KAZN: variants seen among roughly 807,000 people sequenced by gnomAD.
The protein encoded by KAZN is kazrin.
KAZN carries 40 observed loss-of-function variants against 87.4 expected under a neutral mutation model. The ratio of observed to expected loss-of-function variants is 0.46; its 90% CI spans 0.36 to 0.60. The LOEUF (loss-of-function observed/expected upper bound fraction) is 0.60. Ranked by LOEUF, KAZN falls within the 20% of genes least tolerant of loss-of-function variation. The pLI is 0.00. For synonymous variants in KAZN, 466 were observed against 458.3 expected, an observed-to-expected ratio of 1.02 and a Z score of -0.22; for missense variants, 898 against 1,073.9, an observed-to-expected ratio of 0.84 and a Z score of 2.29.
At chr1:14,641,616 G>T (rs967723753) in intron 1 of KAZN, among the ~76,000 whole-genome samples, 16 of 152,130 alleles carry the variant, frequency 1.1e-4, no homozygotes, top group African/African-American at 3.9e-4. Context: ...AGAAGAAGCA[G>T]CCAGGGAAAG....
intron 8 of KAZN, among the ~76,000 whole-genome samples, chr1:15,087,126 A>G (rs1262289349): frequency 2.6e-5 from 4 of 152,344 alleles, no homozygotes; most frequent in South Asian, 4.2e-4. Context: ...GAGAAAACAA[A>G]CCAAAGAAAA....
chr1:14,326,738 C>T (rs1165371351), intron 2 of KAZN, among the ~76,000 whole-genome samples: 2 of 152,216 alleles, frequency 1.3e-5, no homozygotes, highest in East Asian at 3.8e-4. Context: ...TTGGTAATCA[C>T]TCTGCCACCT....
At chr1:15,049,757 C>T (rs1450735006) in intron 4 of KAZN, among the ~76,000 whole-genome samples, 6 of 152,230 alleles carry the variant, frequency 3.9e-5, no homozygotes, top group Middle Eastern at 3.4e-3. Flanking sequence ...GGTGTGGTGG[C>T]ACACACCTGT....
chr1:14,666,997 C>T (rs1327651925), intron 1 of KAZN, among the ~76,000 whole-genome samples: 1 of 152,180 alleles, frequency 6.6e-6, no homozygotes, highest in Non-Finnish European at 1.5e-5. Context: ...GCCTCCCAAC[C>T]TGTCCTCTTC....
chr1:14,847,647 A>G (rs74434923), intron 1 of KAZN, among the ~76,000 whole-genome samples: 5,008 of 152,288 alleles, frequency 0.033, 97 homozygotes, highest in Middle Eastern at 0.054. Context: ...TGCCAGGGAC[A>G]TTATCTGTTC....
At chr1:14,669,471 C>A (rs529555458) in intron 1 of KAZN, among the ~76,000 whole-genome samples, 2 of 152,174 alleles carry the variant, frequency 1.3e-5, no homozygotes, top group Admixed American at 6.5e-5. Flanking sequence ...GAGCTGGGCG[C>A]GGTGGCTCAC....
chr1:15,015,342 G>C (rs779788680), intron 2 of KAZN, among the ~76,000 whole-genome samples: 59 of 152,134 alleles, frequency 3.9e-4, no homozygotes, highest in Non-Finnish European at 5.1e-4. Context: ...TAGTAGAGAC[G>C]GGATTTCGCC....
intron 1 of KAZN, among the ~76,000 whole-genome samples, chr1:14,664,170 C>T (rs946803951): frequency 3.3e-5 from 5 of 152,210 alleles, no homozygotes; most frequent in Admixed American, 1.3e-4. Flanking sequence ...TAGTGGCTCA[C>T]GCCTGTCATC....
At chr1:14,334,359 C>T (rs1209720681) in intron 2 of KAZN, among the ~76,000 whole-genome samples, 13 of 71,338 alleles carry the variant, frequency 1.8e-4, no homozygotes, top group Non-Finnish European at 3.1e-4. Context: ...AGCAAGATTC[C>T]ATCTCAAAAA....
intron 5 of KAZN, among the ~76,000 whole-genome samples, chr1:15,059,622 A>G (rs1168911339): frequency 6.6e-6 from 1 of 151,892 alleles, no homozygotes; most frequent in Non-Finnish European, 1.5e-5. Flanking sequence ...GATTTGGGGC[A>G]ATGTTTTGGA....
intron 1 of KAZN, among the ~76,000 whole-genome samples, chr1:14,959,584 T>C (rs970376928): frequency 2.0e-5 from 3 of 152,092 alleles, no homozygotes; most frequent in Non-Finnish European, 4.4e-5. Context: ...TGTGGTACCT[T>C]TGTCTGTTTA....
At chr1:14,518,746 A>G (rs911245316) in intron 2 of KAZN, among the ~76,000 whole-genome samples, 3 of 152,178 alleles carry the variant, frequency 2.0e-5, no homozygotes, top group African/African-American at 7.2e-5. Context: ...CCATTTTCTC[A>G]TCAGCAAGAT....
intron 4 of KAZN, among the ~76,000 whole-genome samples, chr1:15,045,897 C>G (rs1381774171): frequency 1.3e-5 from 2 of 152,228 alleles, no homozygotes; most frequent in African/African-American, 4.8e-5. Flanking sequence ...CCTGGTCCTT[C>G]CCTTGACACG....
At chr1:14,637,378 G>A (rs778935824) in intron 1 of KAZN, among the ~76,000 whole-genome samples, 11 of 152,172 alleles carry the variant, frequency 7.2e-5, no homozygotes, top group African/African-American at 2.2e-4. Flanking sequence ...TCTGGGGGCC[G>A]GGAGGGGGCA....
chr1:14,486,098 T>C (rs1388393220), intron 2 of KAZN, among the ~76,000 whole-genome samples: 1 of 152,170 alleles, frequency 6.6e-6, no homozygotes, highest in Non-Finnish European at 1.5e-5. Context: ...CAAGCTAACG[T>C]GGCTAAGCTC....
At chr1:14,120,009 C>G (rs1644716369) in intron 1 of KAZN, among the ~76,000 whole-genome samples, 1 of 152,112 alleles carries the variant, frequency 6.6e-6, no homozygotes, top group Non-Finnish European at 1.5e-5. Flanking sequence ...TCACACTCTG[C>G]TAGACTAGGA....
intron 1 of KAZN, among the ~76,000 whole-genome samples, chr1:14,803,084 C>T (rs10737903): frequency 0.43 from 65,287 of 152,038 alleles, 15,443 homozygotes; most frequent in African/African-American, 0.63. Flanking sequence ...GTGAGAGATA[C>T]ATGTTATTGT....
chr1:14,300,696 G>A (rs1404444669), intron 2 of KAZN, among the ~76,000 whole-genome samples: 1 of 152,238 alleles, frequency 6.6e-6, no homozygotes, highest in Non-Finnish European at 1.5e-5. Flanking sequence ...TAGTGGCCAT[G>A]TTAACAGAGA....
intron 2 of KAZN, among the ~76,000 whole-genome samples, chr1:14,194,325 G>A (rs1394151644): frequency 2.0e-5 from 3 of 152,110 alleles, no homozygotes; most frequent in African/African-American, 7.2e-5. Flanking sequence ...TCCAGAATTT[G>A]GCTCAGTGTG....
Sources: gnomAD v4.1 joint callset for allele counts (sites outside exome capture counted in the v4.1 genomes callset) on GRCh38, gnomAD v4.1.1 for gene constraint, MANE v1.5 for transcripts, NCBI Gene and HGNC (gene_info 2026-07-23, HGNC 2026-07-21) for gene names.